The following MGAT4C variants were observed in gnomAD, a reference collection of about 807,000 sequenced individuals.
MGAT4C encodes MGAT4 family member C, also known as alpha-1,3-mannosyl-glycoprotein 4-beta-N-acetylglucosaminyltransferase C.
In MGAT4C, 19 loss-of-function variants were observed where a neutral mutation model predicts 40.1. That is an observed-to-expected ratio of 0.47 (90% CI 0.33 to 0.70). MGAT4C has a LOEUF of 0.70. MGAT4C is among the 30% of genes least tolerant of loss of function. MGAT4C has a pLI of 0.02. For synonymous variants in MGAT4C, 181 were observed against 187.1 expected, an observed-to-expected ratio of 0.97 and a Z score of 0.27; for missense variants, 491 against 563.2, an observed-to-expected ratio of 0.87 and a Z score of 1.30.
At chr12:86,745,451 T>C (rs1490314956) in intron 1 of MGAT4C, among the ~76,000 whole-genome samples, 2 of 151,678 alleles carry the variant, frequency 1.3e-5, no homozygotes, top group East Asian at 3.9e-4. Flanking sequence ...ATGTTGACTT[T>C]GCATTTCTAC....
chr12:86,417,828 A>G (rs1263452149), intron 3 of MGAT4C, among the ~76,000 whole-genome samples: 1 of 152,110 alleles, frequency 6.6e-6, no homozygotes, highest in Non-Finnish European at 1.5e-5. Context: ...ATTAGTGCTT[A>G]TTTTATCACA....
At chr12:85,991,525 C>T (rs1041981843) in intron 2 of MGAT4C, among the ~76,000 whole-genome samples, 1 of 152,176 alleles carries the variant, frequency 6.6e-6, no homozygotes, top group African/African-American at 2.4e-5. Context: ...AGGCTGCTTG[C>T]ACCAATGGGC....
chr12:86,146,645 T>C (rs1883553504), intron 1 of MGAT4C, among the ~76,000 whole-genome samples: 1 of 152,032 alleles, frequency 6.6e-6, no homozygotes, highest in African/African-American at 2.4e-5. Context: ...TTTGAGATTT[T>C]CCTATTTCTT....
chr12:86,207,436 C>A (rs1418121056), intron 1 of MGAT4C, among the ~76,000 whole-genome samples: 3 of 151,996 alleles, frequency 2.0e-5, no homozygotes, highest in African/African-American at 2.4e-5. Context: ...TGCTCTCCCT[C>A]CCCTTTCCCT....
chr12:86,490,448 G>A (rs1436200914), intron 2 of MGAT4C, among the ~76,000 whole-genome samples: 9 of 151,760 alleles, frequency 5.9e-5, no homozygotes, highest in South Asian at 2.1e-4. Flanking sequence ...AGGAACAACC[G>A]GTACCAGCCA....
At chr12:86,242,254 C>T (rs111769619) in intron 1 of MGAT4C, among the ~76,000 whole-genome samples, 3 of 152,180 alleles carry the variant, frequency 2.0e-5, no homozygotes, top group Admixed American at 6.5e-5. Context: ...CCAGAGAACG[C>T]GTTACAAAAA....
At position 86,215,187 on chromosome 12, in the gene MGAT4C, T is replaced by C. The variant is rs1405096779; in HGVS notation, c.-57+41052A>G. Reference sequence around the variant, plus strand: ...TTAAATTAAAACCAATCCATAGACATATGGAGCCACCTCATCATCTCTTTT... The same window carrying C: ...TTAAATTAAAACCAATCCATAGACACATGGAGCCACCTCATCATCTCTTTT... On this transcript the variant is annotated intron_variant, in intron 1 of 4. Transcript: ENST00000611864. Among the ~76,000 whole-genome samples the C allele has an allele frequency of 2.6e-5, 4 of 152,140 alleles. No homozygotes were observed. In the South Asian group the frequency reaches 6.2e-4, roughly 24 times the overall value.
intron 1 of MGAT4C, among the ~76,000 whole-genome samples, chr12:86,786,925 T>G (rs1023169851): frequency 6.6e-6 from 1 of 152,162 alleles, no homozygotes; most frequent in Non-Finnish European, 1.5e-5. Context: ...GAATTAAATC[T>G]TCTTTGGTAA....
chr12:86,488,376 G>C (rs1304327502), intron 2 of MGAT4C, among the ~76,000 whole-genome samples: 1 of 151,212 alleles, frequency 6.6e-6, no homozygotes, highest in East Asian at 1.9e-4. Context: ...GCAGTGAGTG[G>C]TGACCATGGC....
chr12:86,375,052 C>T (rs2136214692), intron 3 of MGAT4C, among the ~76,000 whole-genome samples: 1 of 152,124 alleles, frequency 6.6e-6, no homozygotes, highest in South Asian at 2.1e-4. Context: ...TCAGAATATT[C>T]CCCCTTCAGC....
intron 2 of MGAT4C, among the ~76,000 whole-genome samples, chr12:86,017,107 ATCT>A (rs1459967368): frequency 6.6e-6 from 1 of 152,120 alleles, no homozygotes; most frequent in Middle Eastern, 3.4e-3. Context: ...TTGGATTCTG[ATCT>A]TCTTAAATTT....
At chr12:86,579,602 G>A (rs1384647944) in intron 2 of MGAT4C, among the ~76,000 whole-genome samples, 2 of 151,500 alleles carry the variant, frequency 1.3e-5, no homozygotes, top group Non-Finnish European at 3.0e-5. Context: ...TAGTTACAAT[G>A]TTGTAATAGT....
intron 3 of MGAT4C, among the ~76,000 whole-genome samples, chr12:86,345,764 T>C (rs1033532272): frequency 6.6e-6 from 1 of 152,236 alleles, no homozygotes; most frequent in African/African-American, 2.4e-5. Context: ...TTTGGGTATA[T>C]ACCCAGTAAT....
intron 1 of MGAT4C, among the ~76,000 whole-genome samples, chr12:86,118,170 T>A (rs61931158): frequency 0.075 from 11,443 of 152,236 alleles, 586 homozygotes; most frequent in Middle Eastern, 0.21. Context: ...CATTTCCTAG[T>A]GTAGCTGGAC....
chr12:86,786,335 G>T (rs1951930868), intron 1 of MGAT4C, among the ~76,000 whole-genome samples: 2 of 152,032 alleles, frequency 1.3e-5, no homozygotes, highest in South Asian at 2.1e-4. Flanking sequence ...ACAAATGGTT[G>T]AATCTGTAGG....
intron 4 of MGAT4C, among the ~76,000 whole-genome samples, chr12:86,300,015 A>G (rs1436017489): frequency 6.6e-6 from 1 of 152,212 alleles, no homozygotes; most frequent in Non-Finnish European, 1.5e-5. Context: ...AAACTTATCA[A>G]TTTCAGACCT....
At chr12:86,118,998 A>G (rs1276835027) in intron 1 of MGAT4C, among the ~76,000 whole-genome samples, 1 of 152,150 alleles carries the variant, frequency 6.6e-6, no homozygotes, top group Non-Finnish European at 1.5e-5. Context: ...ATCATATTCT[A>G]AGAGTTGACT....
chr12:86,620,618 G>T (rs1257491445), intron 2 of MGAT4C, among the ~76,000 whole-genome samples: 1 of 152,084 alleles, frequency 6.6e-6, no homozygotes, highest in Non-Finnish European at 1.5e-5. Context: ...ATATTCACTA[G>T]TTGTATGATG....
chr12:86,071,728 T>G (rs1181936333), intron 1 of MGAT4C, among the ~76,000 whole-genome samples: 2 of 152,138 alleles, frequency 1.3e-5, no homozygotes, highest in African/African-American at 4.8e-5. Context: ...ATTTTTATTA[T>G]CCCATTTTAC....
Sources: gnomAD v4.1 joint callset for allele counts (sites outside exome capture counted in the v4.1 genomes callset) on GRCh38, gnomAD v4.1.1 for gene constraint, MANE v1.5 for transcripts, NCBI Gene and HGNC (gene_info 2026-07-23, HGNC 2026-07-21) for gene names.